OTOGL: variants seen among roughly 807,000 people sequenced by gnomAD.
The protein encoded by OTOGL is otogelin like.
Under a neutral mutation model 318.5 loss-of-function variants are expected in OTOGL, and 285 were observed. The observed-to-expected ratio is 0.89, with a 90% CI of 0.81 to 0.99. The LOEUF (loss-of-function observed/expected upper bound fraction) is 0.99. Ranked by LOEUF, OTOGL falls within the 50% of genes least tolerant of loss-of-function variation. The pLI, the probability that OTOGL is intolerant of heterozygous loss-of-function variation, is 0.00. For missense variants in OTOGL, 2,899 were observed against 2,845.6 expected (o/e 1.02, Z -0.43); for synonymous variants, 987 against 936.5 (o/e 1.05, Z -0.99).
intron 1 of OTOGL, among the ~76,000 whole-genome samples, chr12:80,179,516 AAG>A (rs1874771537): frequency 6.6e-6 from 1 of 152,234 alleles, no homozygotes; most frequent in Admixed American, 6.5e-5. Context: ...AAAGGGGATA[AAG>A]AGTGTTATAA....
chr12:80,358,197 A>G, intron 49 of OTOGL, 51 bp from the exon 50 acceptor site: 1 of 1,196,132 alleles, frequency 8.4e-7, no homozygotes, highest in Non-Finnish European at 1.2e-6. Context: ...TCATATTATA[A>G]TTCATGGTTT....
At chr12:80,117,654 T>C (rs775880752) in intron 1 of OTOGL, among the ~76,000 whole-genome samples, 7 of 152,042 alleles carry the variant, frequency 4.6e-5, no homozygotes, top group Admixed American at 2.0e-4. Context: ...CTTCCAAGAG[T>C]CCATTAAATT....
chr12:80,217,667 C>T lies in OTOGL; in HGVS notation c.235+3C>T. ...TTGGGGTGAGAGCAAAATAAAAGGT[C>T]AGTGTTTATACTTAGGTTTTCATAT... On this transcript the variant is annotated splice_donor_region_variant and intron_variant, in intron 5 of 58. Transcript: ENST00000547103. 6.6e-7 allele frequency: 1 copy of T among 1,517,552 alleles called. No individual in the cohort carries two copies. The highest frequency in any genetic ancestry group is 1.2e-5 in the South Asian group (1 of 85,032). The allele number at this position is 1,517,552 out of a possible 1,614,324, so 94.0% of individuals were successfully genotyped here. A position where few individuals can be genotyped will look rare whatever the true frequency, so the allele number is the denominator to read the frequency against.
At chr12:80,345,379 G>A (rs1229428838) in intron 44 of OTOGL, among the ~76,000 whole-genome samples, 1 of 151,148 alleles carries the variant, frequency 6.6e-6, no homozygotes, top group Non-Finnish European at 1.5e-5. Context: ...GGGATTACAG[G>A]CATGTGCCAC....
At chr12:80,176,441 T>C (rs1333226615) in intron 1 of OTOGL, among the ~76,000 whole-genome samples, 4 of 152,184 alleles carry the variant, frequency 2.6e-5, no homozygotes, top group Non-Finnish European at 5.9e-5. Flanking sequence ...CAACCACTGA[T>C]CTACTTTCTG....
At chr12:80,354,649 A>G (rs1267291457) in intron 46 of OTOGL, among the ~76,000 whole-genome samples, 2 of 152,168 alleles carry the variant, frequency 1.3e-5, no homozygotes, top group South Asian at 2.1e-4. Flanking sequence ...TGAAATGCAT[A>G]TATAGTTTCA....
intron 1 of OTOGL, among the ~76,000 whole-genome samples, chr12:80,115,273 GT>G (rs1174799089): frequency 7.2e-5 from 11 of 152,168 alleles, no homozygotes; most frequent in African/African-American, 2.4e-4. Context: ...TTTGGATGGA[GT>G]TTTTGTGTGG....
intron 1 of OTOGL, among the ~76,000 whole-genome samples, chr12:80,163,572 T>C (rs750811640): frequency 6.6e-5 from 10 of 152,050 alleles, no homozygotes; most frequent in Non-Finnish European, 1.3e-4. Context: ...TATACAGGCA[T>C]TATTTAGATC....
chr12:80,229,685 G>A (rs1176903005), intron 8 of OTOGL, among the ~76,000 whole-genome samples: 1 of 151,812 alleles, frequency 6.6e-6, no homozygotes, highest in Admixed American at 6.6e-5. Context: ...GATACCTTAA[G>A]AGTATCTTAA....
intron 24 of OTOGL, among the ~76,000 whole-genome samples, chr12:80,273,455 T>A (rs558695231): frequency 4.6e-5 from 7 of 152,186 alleles, no homozygotes; most frequent in African/African-American, 1.7e-4. Flanking sequence ...AAAAGTCAGA[T>A]GGAAATGGCT....
At chr12:80,177,554 ACTTTATC>A (rs993439426) in intron 1 of OTOGL, among the ~76,000 whole-genome samples, 14 of 152,166 alleles carry the variant, frequency 9.2e-5, no homozygotes, top group Non-Finnish European at 1.8e-4. Context: ...CAAATCTTTA[ACTTTATC>A]CTTTTTTTTA....
chr12:80,301,807 T>C (rs921261473), intron 27 of OTOGL, among the ~76,000 whole-genome samples: 1 of 152,164 alleles, frequency 6.6e-6, no homozygotes, highest in African/African-American at 2.4e-5. Context: ...CCTGAAACCA[T>C]AGATAGTAGC....
At chr12:80,261,867 C>T (rs1443608259) in intron 18 of OTOGL, 102 bp from the exon 19 acceptor site, 4 of 1,342,084 alleles carry the variant, frequency 3.0e-6, no homozygotes, top group South Asian at 3.7e-5. Context: ...GTAAGATTTC[C>T]TTGTACATTA....
intron 1 of OTOGL, among the ~76,000 whole-genome samples, chr12:80,149,941 G>C (rs1194319145): frequency 6.6e-6 from 1 of 152,172 alleles, no homozygotes; most frequent in African/African-American, 2.4e-5. Flanking sequence ...CCACTGACCT[G>C]CGCCCACTGT....
At chr12:80,122,857 G>A (rs1424969338) in intron 1 of OTOGL, among the ~76,000 whole-genome samples, 4 of 152,006 alleles carry the variant, frequency 2.6e-5, no homozygotes, top group African/African-American at 4.8e-5. Context: ...TGCTCTGCAA[G>A]TTGAGTCCTT....
At chr12:80,130,218 A>G (rs1871153785) in intron 1 of OTOGL, among the ~76,000 whole-genome samples, 1 of 152,192 alleles carries the variant, frequency 6.6e-6, no homozygotes, top group Non-Finnish European at 1.5e-5. Flanking sequence ...TGTTTGGAAG[A>G]GGCTGGATTC....
chr12:80,341,930 G>A lies in OTOGL; in HGVS notation c.5051-18G>A, dbSNP rs1474019989. 3 of 1,548,614 alleles carry A rather than the reference G, an allele frequency of 1.9e-6. No individual in the cohort carries two copies. Among genetic ancestry groups the A allele is most frequent in the Non-Finnish European group, 2.6e-6 (3 of 1,132,342 alleles). On this transcript the variant is annotated intron_variant, in intron 43 of 58. Coordinates refer to ENST00000547103, the MANE Select transcript of OTOGL (RefSeq NM_001378609.3). ...TAGTTTAAGTTTTTTTCTTCTAACT[G>A]TCATATATTCTTTCAAGGAATTTGC...
intron 1 of OTOGL, among the ~76,000 whole-genome samples, chr12:80,108,843 T>G (rs1869635160): frequency 1.2e-5 from 1 of 84,674 alleles, no homozygotes; most frequent in African/African-American, 5.9e-5. Flanking sequence ...ATTGTATATA[T>G]ATGTGTATAT....
chr12:80,221,988 G>A, intron 6 of OTOGL, 103 bp from the exon 7 acceptor site: 1 of 1,300,262 alleles, frequency 7.7e-7, no homozygotes, highest in Middle Eastern at 2.0e-4. Flanking sequence ...GACCAAGGAA[G>A]GAAATTTGAA....
Sources: gnomAD v4.1 joint callset for allele counts (sites outside exome capture counted in the v4.1 genomes callset) on GRCh38, gnomAD v4.1.1 for gene constraint, MANE v1.5 for transcripts, NCBI Gene and HGNC (gene_info 2026-07-23, HGNC 2026-07-21) for gene names.